Variants in IL1RAPL2 observed in about 807,000 individuals in gnomAD.
IL1RAPL2 encodes interleukin 1 receptor accessory protein like 2, also known as X-linked interleukin-1 receptor accessory protein-like 2.
IL1RAPL2 carries 3 observed loss-of-function variants against 44.1 expected under a neutral mutation model. The ratio of observed to expected loss-of-function variants is 0.07; its 90% CI spans 0.03 to 0.18. IL1RAPL2 has a LOEUF of 0.18. Ranked by LOEUF, IL1RAPL2 falls within the 10% of genes least tolerant of loss-of-function variation. The probability of loss-of-function intolerance (pLI) is 1.00; values close to 1 mark genes in which losing one functional copy is unlikely to be tolerated. For missense variants in IL1RAPL2, 391 were observed against 496.4 expected (o/e 0.79, Z 2.02); for synonymous variants, 181 against 178.8 (o/e 1.01, Z -0.10).
intron 2 of IL1RAPL2, among the ~76,000 whole-genome samples, chrX:104,946,409 A>AAAAAAAAATT (rs1163144267): frequency 8.2e-5 from 7 of 84,956 alleles, no homozygotes; most frequent in African/African-American, 1.3e-4. Flanking sequence ...AAAAAAAAAA[A>AAAAAAAAATT]CTTTTTAAAA....
chrX:105,228,381 C>T (rs183920421), intron 3 of IL1RAPL2, among the ~76,000 whole-genome samples: 1 of 111,781 alleles, frequency 8.9e-6, no homozygotes, highest in East Asian at 2.8e-4. Flanking sequence ...GGTGATACGA[C>T]AAGTTCACAT....
chrX:104,578,523 G>A (rs1185070094), intron 1 of IL1RAPL2, among the ~76,000 whole-genome samples: 2 of 111,480 alleles, frequency 1.8e-5, no homozygotes, highest in Admixed American at 9.6e-5. Flanking sequence ...CAGAGATCAC[G>A]TGCAGAATGG....
intron 2 of IL1RAPL2, among the ~76,000 whole-genome samples, chrX:104,786,551 C>T (rs1004282751): frequency 6.3e-5 from 7 of 111,628 alleles, no homozygotes; most frequent in Non-Finnish European, 1.3e-4. Context: ...TATAGCTGGG[C>T]AATGTAGAAT....
intron 2 of IL1RAPL2, among the ~76,000 whole-genome samples, chrX:104,904,244 T>C (rs1259384966): frequency 4.8e-5 from 5 of 104,376 alleles, no homozygotes; most frequent in Admixed American, 4.1e-4. Flanking sequence ...TATATATATA[T>C]GCATACACAC....
chrX:104,956,366 A>T (rs1207011357), intron 2 of IL1RAPL2, among the ~76,000 whole-genome samples: 1 of 111,500 alleles, frequency 9.0e-6, no homozygotes, highest in Non-Finnish European at 1.9e-5. Flanking sequence ...TCAGGCCTGT[A>T]ATCCCAGCAC....
chrX:105,637,067 T>A (rs1303873981), intron 6 of IL1RAPL2, among the ~76,000 whole-genome samples: 1 of 111,139 alleles, frequency 9.0e-6, no homozygotes, highest in Non-Finnish European at 1.9e-5. Flanking sequence ...GGTTCCAGAT[T>A]ACAATCTGAA....
chrX:105,095,364 C>T, intron 2 of IL1RAPL2, among the ~76,000 whole-genome samples: 1 of 111,391 alleles, frequency 9.0e-6, no homozygotes, highest in Non-Finnish European at 1.9e-5. Flanking sequence ...TTGTTGAGTG[C>T]TTTTTATTAT....
At chrX:105,621,130 T>C (rs1250166553) in intron 6 of IL1RAPL2, among the ~76,000 whole-genome samples, 1 of 111,590 alleles carries the variant, frequency 9.0e-6, no homozygotes, top group Non-Finnish European at 1.9e-5. Flanking sequence ...TCTTCTTCTA[T>C]CACTCATTCT....
intron 6 of IL1RAPL2, among the ~76,000 whole-genome samples, chrX:105,559,168 G>A (rs1410303151): frequency 2.7e-5 from 3 of 111,847 alleles, no homozygotes; most frequent in African/African-American, 9.7e-5. Flanking sequence ...TCAGATGGTT[G>A]GAACATATTA....
At chrX:105,512,319 C>A (rs2036476340) in intron 6 of IL1RAPL2, among the ~76,000 whole-genome samples, 1 of 111,493 alleles carries the variant, frequency 9.0e-6, no homozygotes, top group Non-Finnish European at 1.9e-5. Context: ...CTCTCTGAGT[C>A]ATAAGATGAC....
intron 6 of IL1RAPL2, among the ~76,000 whole-genome samples, chrX:105,648,711 G>A (rs1441741165): frequency 8.9e-6 from 1 of 112,245 alleles, no homozygotes; most frequent in Non-Finnish European, 1.9e-5. Context: ...CTGAGCTATT[G>A]TAATGTATTC....
chrX:105,201,087 G>A (rs1315948785), intron 3 of IL1RAPL2, among the ~76,000 whole-genome samples: 1 of 111,631 alleles, frequency 9.0e-6, no homozygotes, highest in Non-Finnish European at 1.9e-5. Context: ...TTATAAAATG[G>A]GAGCATAATC....
At chrX:105,070,201 T>C (rs909314901) in intron 2 of IL1RAPL2, among the ~76,000 whole-genome samples, 1 of 111,661 alleles carries the variant, frequency 9.0e-6, no homozygotes, top group Non-Finnish European at 1.9e-5. Context: ...GCAGCAGATG[T>C]TTTCTGTGTG....
intron 7 of IL1RAPL2, among the ~76,000 whole-genome samples, chrX:105,733,243 C>T (rs886745111): frequency 4.5e-5 from 5 of 111,619 alleles, no homozygotes; most frequent in African/African-American, 1.6e-4. Flanking sequence ...ATTTCCTATT[C>T]TTGTTTATCT....
chrX:104,877,510 C>T (rs1922940555), intron 2 of IL1RAPL2, among the ~76,000 whole-genome samples: 1 of 112,458 alleles, frequency 8.9e-6, no homozygotes, highest in African/African-American at 3.2e-5. Context: ...AATTTTATAT[C>T]TTTCTTTTGC....
intron 2 of IL1RAPL2, among the ~76,000 whole-genome samples, chrX:104,719,501 TTC>T (rs768661005): frequency 9.0e-6 from 1 of 111,633 alleles, no homozygotes; most frequent in African/African-American, 3.2e-5. Flanking sequence ...GCACTGTGCT[TTC>T]TCTGTTTTAT....
At chrX:104,688,986 G>T (rs745337759) in intron 2 of IL1RAPL2, among the ~76,000 whole-genome samples, 20 of 111,525 alleles carry the variant, frequency 1.8e-4, no homozygotes, top group South Asian at 1.5e-3. Context: ...CTTAGGCCAT[G>T]AAGTCTAAGC....
chrX:105,027,527 G>T (rs1366715914), intron 2 of IL1RAPL2, among the ~76,000 whole-genome samples: 1 of 111,818 alleles, frequency 8.9e-6, no homozygotes, highest in Non-Finnish European at 1.9e-5. Context: ...GATTTGAATA[G>T]ACATTTCCCA....
intron 2 of IL1RAPL2, among the ~76,000 whole-genome samples, chrX:105,062,468 C>A: frequency 9.0e-6 from 1 of 111,598 alleles, no homozygotes; most frequent in East Asian, 2.8e-4. Flanking sequence ...GAGTAGTTTA[C>A]ACACTACACT....
Sources: gnomAD v4.1 joint callset for allele counts (sites outside exome capture counted in the v4.1 genomes callset) on GRCh38, gnomAD v4.1.1 for gene constraint, MANE v1.5 for transcripts, NCBI Gene and HGNC (gene_info 2026-07-23, HGNC 2026-07-21) for gene names.